NDUFAF2: variants seen among roughly 807,000 people sequenced by gnomAD.
The protein encoded by NDUFAF2 is NADH:ubiquinone oxidoreductase complex assembly factor 2, also known as NADH dehydrogenase [ubiquinone] 1 alpha subcomplex assembly factor 2.
NDUFAF2 carries 13 observed loss-of-function variants against 22.8 expected under a neutral mutation model. The ratio of observed to expected loss-of-function variants is 0.57; its 90% CI spans 0.37 to 0.91. NDUFAF2 has a LOEUF of 0.91. NDUFAF2 is among the 40% of genes least tolerant of loss of function. The pLI is 0.01. For missense variants in NDUFAF2, 162 were observed against 195.2 expected (o/e 0.83, Z 1.01); for synonymous variants, 53 against 64.2 (o/e 0.83, Z 0.84).
intron 3 of NDUFAF2, among the ~76,000 whole-genome samples, chr5:61,143,983 TG>T: frequency 1.3e-5 from 2 of 150,978 alleles, no homozygotes; most frequent in Non-Finnish European, 3.0e-5. Flanking sequence ...TGTGTGTGTG[TG>T]TGTGTGTGTG....
At chr5:61,078,330 T>C (rs1580124721) in intron 2 of NDUFAF2, among the ~76,000 whole-genome samples, 1 of 152,274 alleles carries the variant, frequency 6.6e-6, no homozygotes, top group Non-Finnish European at 1.5e-5. Flanking sequence ...ACTGAAAGTA[T>C]GTTATGTAAG....
rs768889484 is a variant in NDUFAF2 at position 61,035,424 on chromosome 5, GTTTTTTTTTTTTTTTTTT to G, written c.128-37690_128-37673del. On this transcript the variant is annotated intron_variant, in intron 1 of 3. Coordinates refer to ENST00000296597, the MANE Select transcript of NDUFAF2 (RefSeq NM_174889.5). ...GACAACTCTCTTTCTCTCTTGCTCTGTTTTTTTTTTTTTTTTTTTTTTTTTTTTGGTAAAGGGCTTTTA... is the reference window on the plus strand; with the variant it reads ...GACAACTCTCTTTCTCTCTTGCTCTGTTTTTTTTTTGGTAAAGGGCTTTTA... Among the ~76,000 whole-genome samples, 3 of 40,544 alleles carry G rather than the reference GTTTTTTTTTTTTTTTTTT, an allele frequency of 7.4e-5. No homozygotes were observed. The Admixed American group carries it at 1.0e-3, about 14-fold the overall frequency. The allele number at this position is 40,544 out of a possible 152,430, so 26.6% of individuals were successfully genotyped here. A position where few individuals can be genotyped will look rare whatever the true frequency, so the allele number is the denominator to read the frequency against.
Position 61,001,672 on chromosome 5 carries a change from C to T in NDUFAF2, c.127+56290C>T, listed in dbSNP as rs149999081. ...ATGGATAACTTAATAAATAAAAAGTCAGAATTTTTATTATTAAACTATAAA... is the reference window on the plus strand; with the variant it reads ...ATGGATAACTTAATAAATAAAAAGTTAGAATTTTTATTATTAAACTATAAA... On this transcript the variant is annotated intron_variant, in intron 1 of 3. Coordinates refer to ENST00000296597, the MANE Select transcript of NDUFAF2 (RefSeq NM_174889.5). 7.3e-3 allele frequency among the ~76,000 whole-genome samples: 1,117 copies of T among 152,058 alleles called. 12 individuals carry two copies. The highest frequency in any genetic ancestry group is 0.025 in the African/African-American group (1,057 of 41,496).
chr5:61,034,836 C>T (rs1371448402), intron 1 of NDUFAF2, among the ~76,000 whole-genome samples: 3 of 151,686 alleles, frequency 2.0e-5, no homozygotes, highest in Non-Finnish European at 4.4e-5. Flanking sequence ...TCAAATGACA[C>T]AAAATAGCTG....
intron 1 of NDUFAF2, among the ~76,000 whole-genome samples, chr5:60,999,726 TAAGA>T (rs1751273125): frequency 6.6e-6 from 1 of 152,064 alleles, no homozygotes; most frequent in Non-Finnish European, 1.5e-5. Context: ...CTCAAGTTTT[TAAGA>T]AAGAATAACT....
rs144806780 is a variant in NDUFAF2 at position 60,964,527 on chromosome 5, C to T, written c.127+19145C>T. On this transcript the variant is annotated intron_variant, in intron 1 of 3. Transcript: ENST00000296597. ...ATACAGTGGTGCTATCTTGGCTCAC[C>T]GCAACCTCTGCGTCCCAGGTTCAAG... Among the ~76,000 whole-genome samples, 499 of 151,652 alleles carry T rather than the reference C, an allele frequency of 3.3e-3. 2 individuals are homozygous for T. Among genetic ancestry groups the T allele is most frequent in the African/African-American group, 0.012 (482 of 41,308 alleles).
intron 3 of NDUFAF2, among the ~76,000 whole-genome samples, chr5:61,145,650 TA>T (rs1200245134): frequency 6.6e-6 from 1 of 152,170 alleles, no homozygotes; most frequent in Non-Finnish European, 1.5e-5. Flanking sequence ...ACTTACCCTA[TA>T]ACAACATAAA....
chr5:61,128,969 TCAAAAAGTGGG>T (rs1753072656), intron 3 of NDUFAF2, among the ~76,000 whole-genome samples: 1 of 151,888 alleles, frequency 6.6e-6, no homozygotes, highest in Admixed American at 6.6e-5. Flanking sequence ...AACAACCCCA[TCAAAAAGTGGG>T]CAAAGTATAT....
intron 1 of NDUFAF2, among the ~76,000 whole-genome samples, chr5:61,045,155 TAA>T (rs1251692321): frequency 2.7e-5 from 3 of 110,348 alleles, no homozygotes; most frequent in Admixed American, 2.1e-4. Context: ...TAAAATAAAA[TAA>T]AGTTTTATTA....
intron 1 of NDUFAF2, among the ~76,000 whole-genome samples, chr5:60,962,252 T>C (rs1750698337): frequency 6.6e-6 from 1 of 152,012 alleles, no homozygotes; most frequent in Non-Finnish European, 1.5e-5. Flanking sequence ...TATGACATTC[T>C]TCTTTTCACA....
intron 3 of NDUFAF2, among the ~76,000 whole-genome samples, chr5:61,109,780 A>G (rs960721774): frequency 6.6e-6 from 1 of 152,090 alleles, no homozygotes; most frequent in Non-Finnish European, 1.5e-5. Flanking sequence ...GCCACCATGT[A>G]AGACATCCCT....
chr5:61,078,765 T>A (rs1050335755), intron 2 of NDUFAF2, among the ~76,000 whole-genome samples: 7 of 151,974 alleles, frequency 4.6e-5, no homozygotes, highest in African/African-American at 1.7e-4. Context: ...AATAGGAGAT[T>A]CTTGGACAAG....
chr5:61,059,068 G>T (rs1236023891), intron 1 of NDUFAF2, among the ~76,000 whole-genome samples: 2 of 151,930 alleles, frequency 1.3e-5, no homozygotes, highest in Non-Finnish European at 2.9e-5. Context: ...AACAGTTTTT[G>T]ATGTGTGATT....
intron 1 of NDUFAF2, among the ~76,000 whole-genome samples, chr5:60,983,152 G>C (rs1229802822): frequency 6.6e-6 from 1 of 150,872 alleles, no homozygotes; most frequent in East Asian, 2.0e-4. Context: ...GATGGCCAGT[G>C]ATGATGAGCA....
chr5:60,945,366 G>C lies in NDUFAF2; in HGVS notation c.111G>C (p.Gln37His). The C allele has an allele frequency of 6.2e-7, 1 of 1,614,236 alleles. No individual in the cohort carries two copies. The highest frequency in any genetic ancestry group is 8.5e-7 in the Non-Finnish European group (1 of 1,180,046). The change falls in exon 1 of 4, where the codon CAG (glutamine) becomes CAC (histidine). Residue 37 changes from glutamine (Q) to histidine (H), a missense_variant. This residue lies in a region of NDUFAF2 where 94 missense variants were observed against 85.2 expected (regional missense o/e 1.10). Coordinates refer to ENST00000296597, the MANE Select transcript of NDUFAF2 (RefSeq NM_174889.5). Reference protein sequence around the residue: ...QFGNKYYYIPQYKNWRGQTIR... With the variant: ...QFGNKYYYIPHYKNWRGQTIR... ...GGAACAAATACTACTACATCCCGCA[G>C]TACAAGAACTGGAGAGGTGAGGTGG...
At chr5:61,072,386 G>A (rs1752310854) in intron 1 of NDUFAF2, among the ~76,000 whole-genome samples, 1 of 152,086 alleles carries the variant, frequency 6.6e-6, no homozygotes, top group Admixed American at 6.5e-5. Flanking sequence ...AGGGTCTTGT[G>A]GTCCATTACA....
intron 1 of NDUFAF2, among the ~76,000 whole-genome samples, chr5:60,954,936 G>T (rs536152595): frequency 3.9e-5 from 6 of 152,050 alleles, no homozygotes; most frequent in Admixed American, 2.0e-4. Flanking sequence ...AATTTATTTG[G>T]TTTTTTGCTA....
chr5:61,141,664 AAATGAATGAATG>A (rs70977828), intron 3 of NDUFAF2, among the ~76,000 whole-genome samples: 14 of 151,054 alleles, frequency 9.3e-5, no homozygotes, highest in Non-Finnish European at 1.3e-4. Context: ...AGTATATATT[AAATGAATGAATG>A]AATGAATGAA....
chr5:60,966,068 G>T (rs550779601), intron 1 of NDUFAF2, among the ~76,000 whole-genome samples: 34 of 152,170 alleles, frequency 2.2e-4, no homozygotes, highest in Middle Eastern at 3.4e-3. Context: ...CATTCGAATA[G>T]GTGCGAAGGT....
Sources: gnomAD v4.1 joint callset for allele counts (sites outside exome capture counted in the v4.1 genomes callset) on GRCh38, gnomAD v4.1.1 for gene constraint, gnomAD v4.1.1 regional missense constraint, MANE v1.5 for transcripts, NCBI Gene and HGNC (gene_info 2026-07-23, HGNC 2026-07-21) for gene names.